C7: variants seen among roughly 807,000 people sequenced by gnomAD.
C7 encodes complement C7.
C7 carries 83 observed loss-of-function variants against 104.8 expected under a neutral mutation model. That is an observed-to-expected ratio of 0.79 (90% CI 0.66 to 0.95). C7 has a LOEUF of 0.95. C7 is among the 40% of genes least tolerant of loss of function. The pLI is 0.00. For missense variants in C7, 1,070 were observed against 1,011.2 expected (o/e 1.06, Z -0.79); for synonymous variants, 415 against 360.6 (o/e 1.15, Z -1.71).
Position 40,971,771 on chromosome 5 carries a change from T to G in C7, c.1883-632T>G, listed in dbSNP as rs145162901. Among the ~76,000 whole-genome samples the G allele has an allele frequency of 5.8e-3, 883 of 152,236 alleles. 33 individuals carry two copies. The East Asian group carries it at 0.091, about 16-fold the overall frequency. On this transcript the variant is annotated intron_variant, in intron 14 of 17. Coordinates refer to ENST00000313164, the MANE Select transcript of C7 (RefSeq NM_000587.4). Reference sequence around the variant, plus strand: ...CTTGAGTTAATTTTTGTATAAGGTATAAGGAAGGGGTCCAGTTTCTGTTTT... The same window carrying G: ...CTTGAGTTAATTTTTGTATAAGGTAGAAGGAAGGGGTCCAGTTTCTGTTTT...
rs114670069 is a variant in C7 at position 40,944,904 on chromosome 5, C to T, written c.568-294C>T. On this transcript the variant is annotated intron_variant, in intron 6 of 17. Coordinates refer to ENST00000313164, the MANE Select transcript of C7 (RefSeq NM_000587.4). ...TCAGTGTAGCTTTTGTTAATTTGCTCGCTTCTGGGCCAAATGCTGACATTA... is the reference window on the plus strand; with the variant it reads ...TCAGTGTAGCTTTTGTTAATTTGCTTGCTTCTGGGCCAAATGCTGACATTA... Among the ~76,000 whole-genome samples, 1,195 of 152,204 alleles carry T rather than the reference C, an allele frequency of 7.9e-3. 17 individuals are homozygous for T. The highest frequency in any genetic ancestry group is 0.028 in the African/African-American group (1,148 of 41,528).
intron 1 of C7, among the ~76,000 whole-genome samples, chr5:40,925,758 C>T (rs900929066): frequency 6.6e-5 from 10 of 152,150 alleles, no homozygotes; most frequent in Non-Finnish European, 1.2e-4. Context: ...GGAGATTTTA[C>T]TCATGGCGGA....
Position 40,937,538 on chromosome 5 carries a change from C to A in C7, c.429-14C>A. The stretch of plus-strand genomic sequence containing the variant: ...CTTTTTATTTCCTCCTTCTCCTCCT[C>A]CTCCTTTTAACAGTTACAATGAACT... On this transcript the variant is annotated splice_polypyrimidine_tract_variant and intron_variant, in intron 5 of 17. Transcript: ENST00000313164. 6.3e-7 allele frequency: 1 copy of A among 1,581,302 alleles called. No homozygotes were observed. The highest frequency in any genetic ancestry group is 8.6e-7 in the Non-Finnish European group (1 of 1,165,506).
At chr5:40,925,675 T>G (rs1739536682) in intron 1 of C7, among the ~76,000 whole-genome samples, 1 of 152,136 alleles carries the variant, frequency 6.6e-6, no homozygotes, top group African/African-American at 2.4e-5. Flanking sequence ...AAAAGAGGTT[T>G]AATTGGGTCT....
At chr5:40,952,569 T>A (rs1740194885) in intron 9 of C7, among the ~76,000 whole-genome samples, 1 of 152,106 alleles carries the variant, frequency 6.6e-6, no homozygotes, top group Admixed American at 6.6e-5. Flanking sequence ...TATGTATACA[T>A]GTGCCATGTT....
rs957294788 is a variant in C7, at chr5:40,959,529, A to C, written c.1570A>C (p.Asn524His). The C allele has an allele frequency of 1.2e-6, 2 of 1,611,718 alleles. No homozygotes were observed. The highest frequency in any genetic ancestry group is 1.7e-6 in the Non-Finnish European group (2 of 1,179,404). The change falls in exon 12 of 18, where the codon AAT (asparagine) becomes CAT (histidine). Residue 524 changes from asparagine to histidine, a missense_variant. Physicochemically the swap from Asn to His is moderately conservative, Grantham distance 68 (BLOSUM62 1). Transcript: ENST00000313164. ...GAAGAAAACAAGAAGCCGTGAATGC[A>C]ATAACCCACCTCCCAGTGGGGGTGG... The part of the protein sequence containing the change: ...QGKKTRSREC[N>H]NPPPSGGGRS...
At chr5:40,972,243 T>C (rs1740713178) in intron 14 of C7, among the ~76,000 whole-genome samples, 160 bp from the exon 15 acceptor site, 1 of 152,218 alleles carries the variant, frequency 6.6e-6, no homozygotes, top group Non-Finnish European at 1.5e-5. Context: ...AGGCTCTGTG[T>C]GACATGTCTT....
At chr5:40,940,720 A>G (rs1042414099) in intron 6 of C7, among the ~76,000 whole-genome samples, 1 of 152,300 alleles carries the variant, frequency 6.6e-6, no homozygotes, top group East Asian at 1.9e-4. Flanking sequence ...TTTGTATACT[A>G]AGCACTGTTC....
intron 15 of C7, among the ~76,000 whole-genome samples, chr5:40,973,889 G>T (rs1031191882): frequency 6.6e-6 from 1 of 152,072 alleles, no homozygotes; most frequent in Admixed American, 6.6e-5. Context: ...TATTAAAGTG[G>T]GTTTTAATTA....
In C7 at chr5:40,937,693, A is replaced by G. The variant is rs1739846524; in HGVS notation, c.567+3A>G. ...ATGTCCTGTCCTATACATTCCAGGT[A>G]CTTACGACGTTATTGATTTCCAATC... On this transcript the variant is annotated splice_donor_region_variant and intron_variant, in intron 6 of 17. Coordinates refer to ENST00000313164, the MANE Select transcript of C7 (RefSeq NM_000587.4). 1.3e-6 allele frequency: 2 copies of G among 1,561,200 alleles called. No individual in the cohort carries two copies. The highest frequency in any genetic ancestry group is 2.3e-5 in the East Asian group (1 of 43,024).
At chr5:40,931,213 T>G in intron 3 of C7, 74 bp downstream of exon 3, 1 of 1,062,578 alleles carries the variant, frequency 9.4e-7, no homozygotes, top group Non-Finnish European at 1.4e-6. Context: ...TGGTATTAAC[T>G]TTTGAATGTT....
chr5:40,961,605 G>C (rs548193569), intron 12 of C7, among the ~76,000 whole-genome samples: 20 of 151,882 alleles, frequency 1.3e-4, no homozygotes, highest in Non-Finnish European at 2.1e-4. Context: ...GGCTGGTCTC[G>C]GAACTCCTGA....
chr5:40,918,399 AAAC>A (rs894743162), intron 1 of C7, among the ~76,000 whole-genome samples: 3 of 152,058 alleles, frequency 2.0e-5, no homozygotes, highest in African/African-American at 7.2e-5. Flanking sequence ...ACAACAAGAA[AAAC>A]AACAACAACA....
At chr5:40,918,947 C>T (rs1739382248) in intron 1 of C7, among the ~76,000 whole-genome samples, 1 of 110,850 alleles carries the variant, frequency 9.0e-6, no homozygotes, top group African/African-American at 3.3e-5. Flanking sequence ...ATGAATCTAA[C>T]AGACACACAC....
chr5:40,919,190 C>G (rs950120491), intron 1 of C7, among the ~76,000 whole-genome samples: 1 of 150,066 alleles, frequency 6.7e-6, no homozygotes, highest in Non-Finnish European at 1.5e-5. Flanking sequence ...GTGGTCTGAT[C>G]TCAGCTCACT....
intron 6 of C7, among the ~76,000 whole-genome samples, chr5:40,943,432 A>T (rs1480020377): frequency 4.6e-5 from 7 of 152,322 alleles, no homozygotes; most frequent in Non-Finnish European, 4.4e-5. Context: ...ATAAGACCAC[A>T]CCACTTTGAG....
In C7 at chr5:40,945,360, A is replaced by G. The variant is rs1740025024; in HGVS notation, c.730A>G (p.Lys244Glu). The G allele has an allele frequency of 6.3e-7, 1 of 1,587,736 alleles. No individual in the cohort carries two copies. The highest frequency in any genetic ancestry group is 8.5e-7 in the Non-Finnish European group (1 of 1,171,704). The change falls in exon 7 of 18, where the codon AAA (lysine) becomes GAA (glutamate). Residue 244 changes from lysine to glutamate, a missense_variant. Physicochemically the swap from Lys to Glu is moderately conservative, Grantham distance 56. Coordinates refer to ENST00000313164, the MANE Select transcript of C7 (RefSeq NM_000587.4). ...SYTSHTNEIHKGKSYQLLVVE... is the reference protein window; with the variant it reads ...SYTSHTNEIHEGKSYQLLVVE... Reference sequence around the variant, plus strand: ...TACTTCACATACCAATGAAATCCATAAAGGAAAGGTTAGTATAAAATGTCA... The same window carrying G: ...TACTTCACATACCAATGAAATCCATGAAGGAAAGGTTAGTATAAAATGTCA...
At chr5:40,972,817 C>T (rs902627220) in intron 15 of C7, among the ~76,000 whole-genome samples, 1 of 152,182 alleles carries the variant, frequency 6.6e-6, no homozygotes, top group Non-Finnish European at 1.5e-5. Flanking sequence ...GATTCTGAAA[C>T]TTTTAACTTA....
At chr5:40,967,136 C>T (rs1234228937) in intron 14 of C7, among the ~76,000 whole-genome samples, 4 of 149,342 alleles carry the variant, frequency 2.7e-5, no homozygotes. Context: ...CGTGATCTTG[C>T]CTCACTGCAA....
Sources: gnomAD v4.1 joint callset for allele counts (sites outside exome capture counted in the v4.1 genomes callset) on GRCh38, gnomAD v4.1.1 for gene constraint, MANE v1.5 for transcripts, NCBI Gene and HGNC (gene_info 2026-07-23, HGNC 2026-07-21) for gene names.